The following C4BPA variants were observed in gnomAD, a reference collection of about 807,000 sequenced individuals.
C4BPA encodes the protein complement component 4 binding protein alpha.
A neutral mutation model predicts 63.7 loss-of-function variants in C4BPA; 31 were observed. That is an observed-to-expected ratio of 0.49 (90% CI 0.37 to 0.66). C4BPA has a LOEUF of 0.66. Among genes scored for constraint, C4BPA ranks in the 30% least tolerant of loss-of-function variants. The probability of loss-of-function intolerance (pLI) is 0.00; values close to 1 mark genes in which losing one functional copy is unlikely to be tolerated. For synonymous variants in C4BPA, 259 were observed against 254.7 expected (o/e 1.02, Z -0.16); for missense variants, 572 against 723.3 (o/e 0.79, Z 2.40).
intron 8 of C4BPA, among the ~76,000 whole-genome samples, chr1:207,134,043 G>A (rs997591942): frequency 4.0e-5 from 6 of 151,776 alleles, no homozygotes; most frequent in African/African-American, 7.3e-5. Flanking sequence ...AGACAAGATC[G>A]CACTCTGTTG....
intron 4 of C4BPA, among the ~76,000 whole-genome samples, chr1:207,122,844 T>C (rs1684948092): frequency 6.6e-6 from 1 of 152,144 alleles, no homozygotes; most frequent in African/African-American, 2.4e-5. Flanking sequence ...AAAGTACTGG[T>C]ATTACAGGAG....
chr1:207,105,559 A>C (rs80296644), intron 1 of C4BPA, among the ~76,000 whole-genome samples: 2 of 145,220 alleles, frequency 1.4e-5, no homozygotes, highest in African/African-American at 5.1e-5. Context: ...CTCCACCTCA[A>C]AAAAAAAAAA....
At chr1:207,140,282 G>C (rs1406871150) in intron 9 of C4BPA, among the ~76,000 whole-genome samples, 2 of 152,044 alleles carry the variant, frequency 1.3e-5, no homozygotes, top group African/African-American at 2.4e-5. Context: ...TAACTACCTG[G>C]TGCGTTTTTC....
chr1:207,115,849 G>T lies in C4BPA; in HGVS notation c.428+334G>T, dbSNP rs189215476. The stretch of plus-strand genomic sequence containing the variant: ...ATACTGGAGATATTTCCATGTTTGC[G>T]CATAGAGAGTTTCCTCATTAATTTC... On this transcript the variant is annotated intron_variant, in intron 4 of 11. Coordinates refer to ENST00000367070, the MANE Select transcript of C4BPA (RefSeq NM_000715.4). 7.8e-4 allele frequency among the ~76,000 whole-genome samples: 118 copies of T among 152,148 alleles called. 1 individual carries two copies. The highest frequency in any genetic ancestry group is 9.7e-4 in the Non-Finnish European group (66 of 67,998).
At chr1:207,106,721 G>A (rs551512806) in intron 1 of C4BPA, among the ~76,000 whole-genome samples, 19 of 152,294 alleles carry the variant, frequency 1.2e-4, no homozygotes, top group Non-Finnish European at 2.5e-4. Context: ...GATTACAGGC[G>A]TGAGCCACTG....
intron 10 of C4BPA, among the ~76,000 whole-genome samples, chr1:207,143,263 C>T (rs1055303090): frequency 1.3e-5 from 2 of 151,496 alleles, no homozygotes; most frequent in Non-Finnish European, 1.5e-5. Flanking sequence ...CATGTTCTCA[C>T]TCATAGGTGG....
chr1:207,127,431 A>G (rs1365693172), intron 7 of C4BPA: 2 of 152,202 alleles, frequency 1.3e-5, no homozygotes, highest in African/African-American at 4.8e-5. Flanking sequence ...ACAAGGATTA[A>G]CTCAACAAAT....
intron 3 of C4BPA, chr1:207,114,565 C>T (rs1317767501): frequency 9.1e-6 from 2 of 220,848 alleles, no homozygotes; most frequent in Non-Finnish European, 1.6e-5. Context: ...GGAATCTTGG[C>T]TCCCTGCAAC....
chr1:207,129,872 C>T (rs984298700), intron 7 of C4BPA, among the ~76,000 whole-genome samples: 1 of 151,932 alleles, frequency 6.6e-6, no homozygotes, highest in Non-Finnish European at 1.5e-5. Flanking sequence ...TCTTCTTATT[C>T]TTCATTTCTG....
chr1:207,136,132 A>G (rs1246224320), intron 9 of C4BPA, among the ~76,000 whole-genome samples: 5 of 152,200 alleles, frequency 3.3e-5, no homozygotes, highest in Admixed American at 3.3e-4. Flanking sequence ...ATGGTATCAT[A>G]CTAGGGACTT....
In C4BPA at chr1:207,134,560, C is replaced by A. The variant is rs144288941; in HGVS notation, c.1241C>A (p.Thr414Lys). The change falls in exon 9 of 12, where the codon ACG becomes AAG. Residue 414 changes from threonine to lysine, a missense_variant. By Grantham distance (78) the Thr-to-Lys change is moderately conservative. Transcript: ENST00000367070. ...RFSAICQGDGTWSPRTPSCGD... is the reference protein window; with the variant it reads ...RFSAICQGDGKWSPRTPSCGD... ...TCAGCTATATGCCAAGGAGATGGCA[C>A]GTGGAGTCCCCGAACACCATCATGT... 1 of 1,613,340 alleles carries A rather than the reference C, an allele frequency of 6.2e-7. No homozygotes were observed. Among genetic ancestry groups the A allele is most frequent in the Admixed American group, 1.7e-5 (1 of 59,984 alleles).
At position 207,126,852 on chromosome 1, in the gene C4BPA, T is replaced by G; in HGVS notation, c.846T>G (p.Asp282Glu). Residue 282 changes from aspartate (D) to glutamate (E), a missense_variant, in exon 7 of 12, where the codon GAT becomes GAG. This residue lies in a region of C4BPA where 465 missense variants were observed against 629.4 expected (regional missense o/e 0.74). Coordinates refer to ENST00000367070, the MANE Select transcript of C4BPA (RefSeq NM_000715.4). Reference sequence around the variant, plus strand: ...GAGGCAGCAGTGTAATTCATTGTGATGCTGATAGCAAATGGAATCCTTCTC... The same window carrying G: ...GAGGCAGCAGTGTAATTCATTGTGAGGCTGATAGCAAATGGAATCCTTCTC... The part of the protein sequence containing the change: ...VLRGSSVIHC[D>E]ADSKWNPSPP... 6.2e-7 allele frequency: 1 copy of G among 1,613,364 alleles called. No homozygotes were observed. Among genetic ancestry groups the G allele is most frequent in the Admixed American group, 1.7e-5 (1 of 59,894 alleles).
chr1:207,122,683 C>T (rs1684943948), intron 4 of C4BPA, among the ~76,000 whole-genome samples: 1 of 152,176 alleles, frequency 6.6e-6, no homozygotes, highest in South Asian at 2.1e-4. Context: ...AAGCAATCCT[C>T]CCACCTCAGC....
Position 207,144,586 on chromosome 1 carries a change from C to G in C4BPA, c.1663C>G (p.Leu555Val), listed in dbSNP as rs2102372818. 1 of 1,613,132 alleles carries G rather than the reference C, an allele frequency of 6.2e-7. No homozygotes were observed. The highest frequency in any genetic ancestry group is 1.8e-4 in the Middle Eastern group (1 of 5,610). The change falls in exon 12 of 12, where the codon CTC (leucine) becomes GTC (valine). Residue 555 changes from leucine (L) to valine (V), a missense_variant. Leu to Val is a conservative substitution (Grantham distance 32). Coordinates refer to ENST00000367070, the MANE Select transcript of C4BPA (RefSeq NM_000715.4). ...TGAACAAGTGCTCACAGGCAAAAGA[C>G]TCATGCAGTGTCTCCCAAACCCAGA... ...GCEQVLTGKR[L>V]MQCLPNPEDV...
chr1:207,119,548 A>T lies in C4BPA; in HGVS notation c.428+4033A>T, dbSNP rs1684881161. On this transcript the variant is annotated intron_variant, in intron 4 of 11. Transcript: ENST00000367070. Reference sequence around the variant, plus strand: ...TCCAAATAAAGTCAATAGCAAAGTAATACTCACATTTTACATAATGCAACT... The same window carrying T: ...TCCAAATAAAGTCAATAGCAAAGTATTACTCACATTTTACATAATGCAACT... 2.1e-5 allele frequency among the ~76,000 whole-genome samples: 2 copies of T among 93,214 alleles called. 1 individual carries two copies. The allele number at this position is 93,214 out of a possible 152,430, so 61.2% of individuals were successfully genotyped here. A position where few individuals can be genotyped will look rare whatever the true frequency, so the allele number is the denominator to read the frequency against.
chr1:207,106,039 G>A (rs1340788640), intron 1 of C4BPA, among the ~76,000 whole-genome samples: 1 of 152,186 alleles, frequency 6.6e-6, no homozygotes, highest in Non-Finnish European at 1.5e-5. Context: ...TTTTAGAGAT[G>A]GAGGGAACTG....
At chr1:207,115,541 ATTCTT>A (rs748000084) in intron 4 of C4BPA, 26 bp downstream of exon 4, 1 of 1,188,864 alleles carries the variant, frequency 8.4e-7, no homozygotes, top group South Asian at 1.4e-5. Context: ...TCTATGAACA[ATTCTT>A]TTATATTTAT....
intron 9 of C4BPA, among the ~76,000 whole-genome samples, chr1:207,138,827 A>T (rs1218811040): frequency 6.6e-6 from 1 of 152,124 alleles, no homozygotes; most frequent in Non-Finnish European, 1.5e-5. Context: ...CAATAATTTG[A>T]CTTTAGTTTG....
intron 6 of C4BPA, among the ~76,000 whole-genome samples, chr1:207,124,801 C>T (rs1423175613): frequency 6.6e-6 from 1 of 152,134 alleles, no homozygotes; most frequent in African/African-American, 2.4e-5. Context: ...AGAGAAAGGC[C>T]AATTGTGTCC....
Sources: allele counts gnomAD v4.1 joint callset (sites outside exome capture counted in the v4.1 genomes callset), GRCh38; gene constraint gnomAD v4.1.1; regional missense constraint gnomAD v4.1.1; transcripts MANE v1.5; gene names NCBI Gene and HGNC (gene_info 2026-07-23, HGNC 2026-07-21).